Variants in CNTN4 observed in about 807,000 individuals in gnomAD.
CNTN4 encodes contactin 4.
Under a neutral mutation model 122.5 loss-of-function variants are expected in CNTN4, and 77 were observed. The observed-to-expected ratio is 0.63, with a 90% CI of 0.52 to 0.76. CNTN4 has a LOEUF of 0.76. CNTN4 is among the 30% of genes least tolerant of loss of function. The pLI is 0.00. For missense variants in CNTN4, 1,256 were observed against 1,259.1 expected (o/e 1.00, Z 0.04); for synonymous variants, 512 against 447.0 (o/e 1.15, Z -1.83).
chr3:2,229,915 GT>G (rs2149536817), intron 2 of CNTN4, among the ~76,000 whole-genome samples: 1 of 152,274 alleles, frequency 6.6e-6, no homozygotes, highest in South Asian at 2.1e-4. Flanking sequence ...GTTGTGTAGC[GT>G]ACTCCAAATG....
At chr3:2,683,484 G>A (rs2085272922) in intron 4 of CNTN4, among the ~76,000 whole-genome samples, 1 of 147,936 alleles carries the variant, frequency 6.8e-6, no homozygotes, top group African/African-American at 2.7e-5. Context: ...CTGAACACAT[G>A]TCCACATGTT....
intron 8 of CNTN4, among the ~76,000 whole-genome samples, chr3:2,871,370 T>C (rs1443463298): frequency 6.6e-6 from 1 of 152,218 alleles, no homozygotes; most frequent in Non-Finnish European, 1.5e-5. Context: ...GTATAGATCA[T>C]ATTATTCTTC....
intron 4 of CNTN4, among the ~76,000 whole-genome samples, chr3:2,670,953 G>A (rs948729849): frequency 7.2e-5 from 11 of 152,316 alleles, no homozygotes; most frequent in African/African-American, 2.6e-4. Context: ...AGTTTCTGCG[G>A]AGAGATCAGC....
rs374947030 is a variant in CNTN4 at position 2,593,792 on chromosome 3, C to T, written c.55+22234C>T. The stretch of plus-strand genomic sequence containing the variant: ...AAAGTATCTGATAAAAAACTAATCA[C>T]TTGTCATAAAGAAGAGAAGTGGAGG... On this transcript the variant is annotated intron_variant, in intron 4 of 24. Coordinates refer to ENST00000418658, the MANE Select transcript of CNTN4 (RefSeq NM_175607.3). 3.3e-5 allele frequency among the ~76,000 whole-genome samples: 5 copies of T among 152,120 alleles called. No individual in the cohort carries two copies. The South Asian group carries it at 6.2e-4, about 19-fold the overall frequency.
Position 2,708,378 on chromosome 3 carries a change from A to G in CNTN4, c.56-27837A>G, listed in dbSNP as rs371143208. ...ACTTAAAAGGTAACCCATATGGACC[A>G]CAAGAAATGATTATAATTATCTGGA... On this transcript the variant is annotated intron_variant, in intron 4 of 24. Transcript: ENST00000418658. Among the ~76,000 whole-genome samples, 651 of 152,312 alleles carry G rather than the reference A, an allele frequency of 4.3e-3. 8 individuals are homozygous for G. The highest frequency in any genetic ancestry group is 0.015 in the African/African-American group (622 of 41,558).
chr3:3,034,484 T>C, intron 16 of CNTN4, 148 bp from the exon 17 acceptor site: 1 of 839,642 alleles, frequency 1.2e-6, no homozygotes, highest in Non-Finnish European at 1.9e-6. Flanking sequence ...TCCAAGCACG[T>C]AGTAGGAGTT....
intron 3 of CNTN4, among the ~76,000 whole-genome samples, chr3:2,424,983 T>C (rs1427919433): frequency 6.6e-6 from 1 of 152,218 alleles, no homozygotes. Flanking sequence ...ATTTGTCAGA[T>C]GGGTAGATTG....
intron 3 of CNTN4, among the ~76,000 whole-genome samples, chr3:2,465,735 G>A (rs1214313114): frequency 6.6e-6 from 1 of 152,000 alleles, no homozygotes. Context: ...TAGCAAAGCA[G>A]GTGTTCAACT....
intron 4 of CNTN4, among the ~76,000 whole-genome samples, chr3:2,587,786 T>G (rs1441751650): frequency 6.6e-6 from 1 of 152,190 alleles, no homozygotes; most frequent in African/African-American, 2.4e-5. Flanking sequence ...TTTTTTTCAG[T>G]TATTAGAAAT....
At chr3:2,480,199 G>A (rs1444045613) in intron 3 of CNTN4, among the ~76,000 whole-genome samples, 2 of 151,844 alleles carry the variant, frequency 1.3e-5, no homozygotes, top group African/African-American at 4.8e-5. Context: ...TTTCCTACCA[G>A]GATCAGAAAC....
chr3:2,210,483 A>T (rs1345570877), intron 2 of CNTN4, among the ~76,000 whole-genome samples: 1 of 152,136 alleles, frequency 6.6e-6, no homozygotes, highest in Non-Finnish European at 1.5e-5. Flanking sequence ...GGCCCCCTCC[A>T]GTACATTTTC....
intron 4 of CNTN4, among the ~76,000 whole-genome samples, chr3:2,662,225 C>T (rs1223752802): frequency 1.3e-5 from 2 of 152,166 alleles, no homozygotes; most frequent in Admixed American, 6.5e-5. Flanking sequence ...TTTCCCATCA[C>T]CTTGCTGTTG....
chr3:2,951,774 T>C (rs1377480129), intron 13 of CNTN4, among the ~76,000 whole-genome samples: 2 of 152,164 alleles, frequency 1.3e-5, no homozygotes, highest in African/African-American at 4.8e-5. Context: ...TTTTTACAGG[T>C]GTCAAAAATC....
intron 3 of CNTN4, among the ~76,000 whole-genome samples, chr3:2,505,983 G>C (rs559812197): frequency 6.6e-6 from 1 of 151,930 alleles, no homozygotes; most frequent in South Asian, 2.1e-4. Flanking sequence ...TATATATAAG[G>C]ACAGGTTTTG....
intron 4 of CNTN4, among the ~76,000 whole-genome samples, chr3:2,726,309 A>T (rs746151721): frequency 9.2e-5 from 14 of 152,208 alleles, no homozygotes; most frequent in Non-Finnish European, 8.8e-5. Context: ...AGAAAATGGA[A>T]TATTAATTGG....
At chr3:2,923,252 A>G (rs1316415789) in intron 12 of CNTN4, among the ~76,000 whole-genome samples, 6 of 152,210 alleles carry the variant, frequency 3.9e-5, no homozygotes, top group African/African-American at 1.2e-4. Flanking sequence ...GGATTTTTAT[A>G]TGATACAGAT....
intron 13 of CNTN4, among the ~76,000 whole-genome samples, chr3:2,966,818 TC>T (rs1394726002): frequency 1.3e-5 from 2 of 152,224 alleles, no homozygotes; most frequent in Non-Finnish European, 2.9e-5. Flanking sequence ...AGGCATTGTA[TC>T]TTCTCTACAT....
At chr3:2,810,560 C>T (rs2092580738) in intron 6 of CNTN4, among the ~76,000 whole-genome samples, 1 of 152,154 alleles carries the variant, frequency 6.6e-6, no homozygotes. Flanking sequence ...CTTTCCTCAT[C>T]CAGTTTTTTA....
intron 3 of CNTN4, among the ~76,000 whole-genome samples, chr3:2,505,966 C>A (rs1287242412): frequency 6.6e-6 from 1 of 151,806 alleles, no homozygotes; most frequent in Non-Finnish European, 1.5e-5. Flanking sequence ...CTTTTCACTC[C>A]ATAAAATATA....
Sources: gnomAD v4.1 joint callset for allele counts (sites outside exome capture counted in the v4.1 genomes callset) on GRCh38, gnomAD v4.1.1 for gene constraint, MANE v1.5 for transcripts, NCBI Gene and HGNC (gene_info 2026-07-23, HGNC 2026-07-21) for gene names.